EPHA6: variants seen among roughly 807,000 people sequenced by gnomAD.
EPHA6 encodes the protein EPH receptor A6, also known as ephrin type-A receptor 6.
A neutral mutation model predicts 112.0 loss-of-function variants in EPHA6; 50 were observed. The observed-to-expected ratio is 0.45, with a 90% CI of 0.36 to 0.56. EPHA6 has a LOEUF of 0.56. Among genes scored for constraint, EPHA6 ranks in the 20% least tolerant of loss-of-function variants. The pLI is 0.00. For synonymous variants in EPHA6, 529 were observed against 490.7 expected (o/e 1.08, Z -1.03); for missense variants, 1,280 against 1,417.4 (o/e 0.90, Z 1.56).
intron 14 of EPHA6, among the ~76,000 whole-genome samples, chr3:97,678,720 A>T (rs538735452): frequency 4.5e-4 from 68 of 152,256 alleles, no homozygotes; most frequent in African/African-American, 1.5e-3. Context: ...GTTTTGCTTT[A>T]TATATTTTGA....
At chr3:97,475,692 T>C (rs1423714612) in intron 8 of EPHA6, among the ~76,000 whole-genome samples, 4 of 152,110 alleles carry the variant, frequency 2.6e-5, no homozygotes, top group African/African-American at 9.7e-5. Context: ...GATGAATTTA[T>C]AGTCAATAAG....
intron 7 of EPHA6, among the ~76,000 whole-genome samples, chr3:97,467,965 A>G (rs1291848467): frequency 6.6e-6 from 1 of 151,710 alleles, no homozygotes; most frequent in African/African-American, 2.4e-5. Context: ...ACATTTTCCA[A>G]TTATTCCTGT....
intron 6 of EPHA6, among the ~76,000 whole-genome samples, chr3:97,444,406 T>C (rs1215850603): frequency 6.6e-6 from 1 of 152,072 alleles, no homozygotes; most frequent in East Asian, 1.9e-4. Context: ...CAATGATTCA[T>C]AGCAGAAGGA....
intron 14 of EPHA6, among the ~76,000 whole-genome samples, chr3:97,674,688 A>G (rs1361723922): frequency 6.6e-6 from 1 of 152,216 alleles, no homozygotes; most frequent in African/African-American, 2.4e-5. Flanking sequence ...TTTGAGCCTA[A>G]TAGCTGACTG....
At chr3:97,524,947 T>C (rs73134907) in intron 10 of EPHA6, among the ~76,000 whole-genome samples, 1 of 152,258 alleles carries the variant, frequency 6.6e-6, no homozygotes, top group Non-Finnish European at 1.5e-5. Flanking sequence ...CAGAAACCAA[T>C]GAGATTTAAG....
At position 97,033,006 on chromosome 3, in the gene EPHA6, C is replaced by T. The variant is rs533207127; in HGVS notation, c.1114+45013C>T. Among the ~76,000 whole-genome samples the T allele has an allele frequency of 4.0e-5, 6 of 151,056 alleles. No homozygotes were observed. In the South Asian group the frequency reaches 1.3e-3, roughly 32 times the overall value. Reference sequence around the variant, plus strand: ...AGGTAGGGTATGGGAATCAGAGTCACATTAACTGAGTGCTGGACTAGGCAA... The same window carrying T: ...AGGTAGGGTATGGGAATCAGAGTCATATTAACTGAGTGCTGGACTAGGCAA... On this transcript the variant is annotated intron_variant, in intron 3 of 17. Coordinates refer to ENST00000389672, the MANE Select transcript of EPHA6 (RefSeq NM_001080448.3).
intron 3 of EPHA6, among the ~76,000 whole-genome samples, chr3:97,224,143 A>T (rs567297423): frequency 6.6e-6 from 1 of 152,148 alleles, no homozygotes; most frequent in Non-Finnish European, 1.5e-5. Context: ...ATTAAAATAT[A>T]ATTTCACCTG....
chr3:97,719,107 C>G (rs2034394794), intron 14 of EPHA6, among the ~76,000 whole-genome samples: 4 of 131,120 alleles, frequency 3.1e-5, no homozygotes, highest in African/African-American at 1.1e-4. Context: ...CCCACCCCCC[C>G]CGCCGCGGTA....
chr3:97,463,671 C>T (rs893540346), intron 7 of EPHA6, among the ~76,000 whole-genome samples: 2 of 152,114 alleles, frequency 1.3e-5, no homozygotes, highest in African/African-American at 4.8e-5. Flanking sequence ...ATGACATTTT[C>T]TGACTACAAC....
chr3:96,977,914 T>C (rs2042597435), intron 2 of EPHA6, among the ~76,000 whole-genome samples: 1 of 152,064 alleles, frequency 6.6e-6, no homozygotes, highest in Non-Finnish European at 1.5e-5. Flanking sequence ...ATCCCAGAAG[T>C]TTGAGAGGCC....
At chr3:96,990,083 G>A (rs561558349) in intron 3 of EPHA6, among the ~76,000 whole-genome samples, 1 of 151,878 alleles carries the variant, frequency 6.6e-6, no homozygotes, top group South Asian at 2.1e-4. Flanking sequence ...CCATTACTTG[G>A]TAAAAAAAAT....
intron 3 of EPHA6, among the ~76,000 whole-genome samples, chr3:96,998,438 T>C (rs2043505319): frequency 6.6e-6 from 1 of 151,924 alleles, no homozygotes; most frequent in Admixed American, 6.6e-5. Flanking sequence ...TTTGATAAAG[T>C]TCTATGAGCA....
intron 14 of EPHA6, among the ~76,000 whole-genome samples, chr3:97,646,984 G>A (rs1481919937): frequency 6.6e-6 from 1 of 152,118 alleles, no homozygotes; most frequent in Non-Finnish European, 1.5e-5. Context: ...GGGCAAAGCT[G>A]TAAAGGACAT....
At chr3:97,161,492 C>A (rs372803398) in intron 3 of EPHA6, among the ~76,000 whole-genome samples, 1 of 152,142 alleles carries the variant, frequency 6.6e-6, no homozygotes, top group East Asian at 1.9e-4. Context: ...AGAGTCTTCT[C>A]TTATTCTTGG....
chr3:97,713,784 A>G (rs553116093), intron 14 of EPHA6, among the ~76,000 whole-genome samples: 1 of 152,332 alleles, frequency 6.6e-6, no homozygotes, highest in South Asian at 2.1e-4. Context: ...TCCAGACACA[A>G]TCCTTATCAG....
rs562088842 is a variant in EPHA6, at chr3:96,823,103, AT to A, written c.385+8100del. ...TGGAATTAGTCTTGGTAGCACCTTA[AT>A]TTTTATTTTTAAAGAGAGGCATAGT... On this transcript the variant is annotated intron_variant, in intron 1 of 17. Coordinates refer to ENST00000389672, the MANE Select transcript of EPHA6 (RefSeq NM_001080448.3). Among the ~76,000 whole-genome samples the A allele has an allele frequency of 4.0e-5, 6 of 151,808 alleles. No homozygotes were observed. The South Asian group carries it at 8.3e-4, about 21-fold the overall frequency.
chr3:97,442,987 A>G (rs555717833), intron 6 of EPHA6, among the ~76,000 whole-genome samples: 65 of 152,136 alleles, frequency 4.3e-4, no homozygotes, highest in Non-Finnish European at 6.8e-4. Context: ...AGATTTTTTG[A>G]TAGCCTTTCT....
At chr3:97,255,623 G>A (rs2079286157) in intron 5 of EPHA6, among the ~76,000 whole-genome samples, 1 of 152,114 alleles carries the variant, frequency 6.6e-6, no homozygotes, top group Non-Finnish European at 1.5e-5. Flanking sequence ...TGAACCTAAT[G>A]CAGACATGCT....
intron 12 of EPHA6, among the ~76,000 whole-genome samples, chr3:97,600,727 G>A (rs1211899002): frequency 1.3e-5 from 2 of 151,450 alleles, no homozygotes; most frequent in Non-Finnish European, 2.9e-5. Context: ...TGGTTCTAAA[G>A]AATTCAATGT....
Sources: gnomAD v4.1 joint callset for allele counts (sites outside exome capture counted in the v4.1 genomes callset) on GRCh38, gnomAD v4.1.1 for gene constraint, MANE v1.5 for transcripts, NCBI Gene and HGNC (gene_info 2026-07-23, HGNC 2026-07-21) for gene names.